The following PIGN variants were observed in gnomAD, a reference collection of about 807,000 sequenced individuals.
PIGN encodes the protein phosphatidylinositol glycan anchor biosynthesis class N.
A neutral mutation model predicts 125.4 loss-of-function variants in PIGN; 117 were observed. The ratio of observed to expected loss-of-function variants is 0.93; its 90% confidence interval spans 0.80 to 1.09. PIGN has a LOEUF of 1.09. Ranked by LOEUF, PIGN falls within the 50% of genes least tolerant of loss-of-function variation. The pLI is 0.00. For synonymous variants in PIGN, 392 were observed against 377.8 expected (o/e 1.04, Z -0.44); for missense variants, 1,075 against 1,094.9 (o/e 0.98, Z 0.26).
intron 16 of PIGN, chr18:62,112,551 T>A (rs1228550881): frequency 6.6e-6 from 1 of 152,160 alleles, no homozygotes; most frequent in Non-Finnish European, 1.5e-5. Flanking sequence ...TTAAAGAGAT[T>A]TTTTTAATTT....
At chr18:62,103,961 T>G (rs1337780236) in intron 20 of PIGN, among the ~76,000 whole-genome samples, 5 of 152,208 alleles carry the variant, frequency 3.3e-5, no homozygotes, top group Non-Finnish European at 1.5e-5. Flanking sequence ...TTTAGAACAC[T>G]GGAGTAACAG....
intron 21 of PIGN, 73 bp downstream of exon 21, chr18:62,102,721 T>C: frequency 5.9e-6 from 4 of 677,908 alleles, no homozygotes; most frequent in Non-Finnish European, 9.7e-6. Flanking sequence ...TTTATGAACA[T>C]AATTAAATAT....
chr18:62,085,253 TAAG>T lies in PIGN; in HGVS notation c.2379_2381del (p.Phe793del), dbSNP rs1267486322. ...TTCCAGTTCCAAAAAATGCTGTCAC[TAAG>T]AAGAAAACCTAAAGGGAGTCAAGGA... is the stretch of plus-strand genomic sequence containing the variant. On this transcript the variant is annotated inframe_deletion, in exon 26 of 31. Coordinates refer to ENST00000640252, the MANE Select transcript of PIGN (RefSeq NM_176787.5). The T allele has an allele frequency of 6.5e-7, 1 of 1,543,798 alleles. No homozygotes were observed. Among genetic ancestry groups the T allele is most frequent in the Admixed American group, 2.0e-5 (1 of 50,678 alleles).
chr18:62,105,469 G>A (rs1050997729), intron 20 of PIGN, 74 bp downstream of exon 20: 2 of 816,938 alleles, frequency 2.4e-6, no homozygotes, highest in South Asian at 3.2e-5. Flanking sequence ...CCAAGATTAG[G>A]TTCAAATTTT....
chr18:62,061,671 G>A (rs572722233), intron 30 of PIGN, among the ~76,000 whole-genome samples: 3 of 152,308 alleles, frequency 2.0e-5, no homozygotes, highest in Non-Finnish European at 2.9e-5. Flanking sequence ...AGGGGAACCA[G>A]TGCAGGAGCA....
In PIGN at chr18:62,170,262, G is replaced by C. The variant is rs73446802; in HGVS notation, c.-235-6606C>G. 2.8e-3 allele frequency among the ~76,000 whole-genome samples: 427 copies of C among 152,236 alleles called. 1 individual carries two copies. Among genetic ancestry groups the C allele is most frequent in the African/African-American group, 8.9e-3 (368 of 41,532 alleles). ...ATGCAGGCATACCACATCTTATTGT[G>C]CTTTACTTGATTGCTCTTCGCAGAT... is the stretch of plus-strand genomic sequence containing the variant. On this transcript the variant is annotated intron_variant, in intron 1 of 30. Transcript: ENST00000640252.
intron 8 of PIGN, 97 bp from the exon 9 acceptor site, chr18:62,147,198 AATG>A: frequency 2.9e-6 from 4 of 1,366,170 alleles, no homozygotes; most frequent in Middle Eastern, 2.6e-4. Flanking sequence ...TAACTTCTGA[AATG>A]CTTTTAGATT....
At chr18:62,170,442 G>A (rs556989625) in intron 1 of PIGN, among the ~76,000 whole-genome samples, 1 of 152,222 alleles carries the variant, frequency 6.6e-6, no homozygotes, top group South Asian at 2.1e-4. Flanking sequence ...CAGTTATGTT[G>A]ATCTACGATC....
At chr18:62,062,152 C>T (rs547075340) in intron 30 of PIGN, among the ~76,000 whole-genome samples, 3 of 152,328 alleles carry the variant, frequency 2.0e-5, no homozygotes, top group Admixed American at 6.5e-5. Flanking sequence ...AGCCTAACTT[C>T]ACCAACTCAG....
At chr18:62,077,056 T>C (rs1202371431) in intron 28 of PIGN, among the ~76,000 whole-genome samples, 1 of 152,296 alleles carries the variant, frequency 6.6e-6, no homozygotes, top group East Asian at 1.9e-4. Context: ...CCAGTTCTTC[T>C]GGAATAGAAA....
intron 14 of PIGN, among the ~76,000 whole-genome samples, chr18:62,115,140 C>T (rs190067061): frequency 2.8e-4 from 42 of 152,194 alleles, no homozygotes; most frequent in Admixed American, 2.3e-3. Context: ...ATAATTTGAA[C>T]GTATTTGCTA....
In PIGN at chr18:62,114,491, C is replaced by T. The variant is rs182345724; in HGVS notation, c.1251+70G>A. ...AAAGCTCCCTGGCCTGCCTACTTTG[C>T]TCTATTTTTCTCCTCTCCATCCCCA... is the stretch of plus-strand genomic sequence containing the variant. On this transcript the variant is annotated intron_variant, in intron 15 of 30. Coordinates refer to ENST00000640252, the MANE Select transcript of PIGN (RefSeq NM_176787.5). The T allele has an allele frequency of 5.7e-5, 53 of 923,118 alleles. No individual in the cohort carries two copies. The African/African-American group carries it at 8.3e-4, about 14-fold the overall frequency. The allele number at this position is 923,118 out of a possible 1,614,324, so 57.2% of individuals were successfully genotyped here.
At chr18:62,131,771 T>C (rs973528964) in intron 14 of PIGN, among the ~76,000 whole-genome samples, 1 of 152,198 alleles carries the variant, frequency 6.6e-6, no homozygotes, top group Non-Finnish European at 1.5e-5. Flanking sequence ...CTGAAACATT[T>C]GCTATTTCAT....
At chr18:62,093,417 G>A (rs983008997) in intron 23 of PIGN, among the ~76,000 whole-genome samples, 1 of 151,926 alleles carries the variant, frequency 6.6e-6, no homozygotes, top group South Asian at 2.1e-4. Context: ...TGTCATCACC[G>A]GCTCAGGGAG....
intron 30 of PIGN, among the ~76,000 whole-genome samples, chr18:62,071,577 A>G (rs1473958511): frequency 6.6e-6 from 1 of 152,054 alleles, no homozygotes; most frequent in African/African-American, 2.4e-5. Context: ...GTCATGCACC[A>G]CATAATGATG....
intron 23 of PIGN, among the ~76,000 whole-genome samples, chr18:62,035,713 T>G (rs1277709984): frequency 6.6e-6 from 1 of 151,578 alleles, no homozygotes; most frequent in Non-Finnish European, 1.5e-5. Flanking sequence ...TGTGTGATGT[T>G]CCCCATCCTG....
Position 62,113,153 on chromosome 18 carries a change from C to T in PIGN, c.1415G>A (p.Gly472Asp), listed in dbSNP as rs113621756. The T allele has an allele frequency of 6.2e-7, 1 of 1,609,508 alleles. No homozygotes were observed. ...ACGTACCTTCACTTCTTTACTAACA[C>T]CTTTTATAAGGTTGGAATGAGACTT... ...IIKSHSNLIK[G>D]VSKEVKKPSH... The change falls in exon 16 of 31, where the codon GGT (glycine) becomes GAT (aspartate). Residue 472 changes from glycine to aspartate, a missense_variant. Around this residue, in one of 3 missense-constraint regions of PIGN, gnomAD observed 915 missense variants for 908.7 expected, o/e 1.01. Transcript: ENST00000640252.
At chr18:62,079,801 T>C (rs1459321815) in intron 28 of PIGN, among the ~76,000 whole-genome samples, 2 of 150,980 alleles carry the variant, frequency 1.3e-5, no homozygotes, top group Admixed American at 6.6e-5. Flanking sequence ...TGAAAATTAA[T>C]AAAAATAATT....
At chr18:62,140,953 A>C (rs889287225) in intron 11 of PIGN, among the ~76,000 whole-genome samples, 1 of 152,178 alleles carries the variant, frequency 6.6e-6, no homozygotes, top group African/African-American at 2.4e-5. Flanking sequence ...AAAGATCCCA[A>C]ATACCATTTT....
Sources: allele counts gnomAD v4.1 joint callset (sites outside exome capture counted in the v4.1 genomes callset), GRCh38; gene constraint gnomAD v4.1.1; regional missense constraint gnomAD v4.1.1; transcripts MANE v1.5; gene names NCBI Gene and HGNC (gene_info 2026-07-23, HGNC 2026-07-21).